The following CDK12 variants were observed in gnomAD, a reference collection of about 807,000 sequenced individuals.
CDK12 encodes the protein cyclin-dependent kinase 12.
In CDK12, 17 loss-of-function variants were observed where a neutral mutation model predicts 133.8. The observed-to-expected ratio is 0.13, with a 90% CI of 0.09 to 0.19. CDK12 has a LOEUF of 0.19. Among genes scored for constraint, CDK12 ranks in the 10% least tolerant of loss-of-function variants. The pLI, the probability that CDK12 is intolerant of heterozygous loss-of-function variation, is 1.00. For missense variants in CDK12, 1,508 were observed against 1,818.7 expected, an observed-to-expected ratio of 0.83 and a Z score of 3.11; for synonymous variants, 694 against 683.6, an observed-to-expected ratio of 1.02 and a Z score of -0.24.
At chr17:39,519,689 A>C (rs1286288430) in intron 10 of CDK12, among the ~76,000 whole-genome samples, 1 of 151,652 alleles carries the variant, frequency 6.6e-6, no homozygotes, top group Non-Finnish European at 1.5e-5. Context: ...TCCTAGGCTC[A>C]AGTGATTTTC....
At chr17:39,514,590 C>T (rs962096952) in intron 8 of CDK12, among the ~76,000 whole-genome samples, 9 of 152,122 alleles carry the variant, frequency 5.9e-5, no homozygotes, top group African/African-American at 2.2e-4. Flanking sequence ...ATCCTCCTGC[C>T]TAGGCCTCCC....
intron 6 of CDK12, among the ~76,000 whole-genome samples, chr17:39,506,562 A>G (rs959238094): frequency 6.6e-6 from 1 of 152,136 alleles, no homozygotes. Context: ...CTCTCTAGGT[A>G]GAGCAGAAAA....
At chr17:39,473,006 GC>G (rs2049914323) in intron 2 of CDK12, among the ~76,000 whole-genome samples, 1 of 151,982 alleles carries the variant, frequency 6.6e-6, no homozygotes, top group Non-Finnish European at 1.5e-5. Context: ...AACCTGGGAG[GC>G]GGAGGTTGCA....
intron 6 of CDK12, among the ~76,000 whole-genome samples, chr17:39,508,459 CAATA>C (rs772903532): frequency 5.3e-5 from 8 of 152,108 alleles, no homozygotes; most frequent in Non-Finnish European, 8.8e-5. Context: ...CCACCCCCTC[CAATA>C]AATAAATAGT....
chr17:39,535,446 TATAAGG>T (rs2055089938), downstream of CDK12, among the ~76,000 whole-genome samples: 1 of 151,250 alleles, frequency 6.6e-6, no homozygotes, highest in African/African-American at 2.4e-5. Flanking sequence ...AGTCACATCT[TATAAGG>T]AGAATGGAGA....
intron 1 of CDK12, among the ~76,000 whole-genome samples, chr17:39,465,859 C>A (rs2049271130): frequency 6.6e-6 from 1 of 152,090 alleles, no homozygotes; most frequent in African/African-American, 2.4e-5. Flanking sequence ...TAGAGTAGTT[C>A]ATTAAGGCTG....
intron 2 of CDK12, among the ~76,000 whole-genome samples, chr17:39,478,552 G>A (rs1000773303): frequency 7.9e-5 from 12 of 152,082 alleles, no homozygotes; most frequent in African/African-American, 2.4e-4. Flanking sequence ...GTAGAAAAAC[G>A]GAAATAGACC....
intron 2 of CDK12, among the ~76,000 whole-genome samples, chr17:39,485,905 T>C (rs983562806): frequency 3.3e-5 from 5 of 152,012 alleles, no homozygotes; most frequent in African/African-American, 2.4e-5. Flanking sequence ...CTGAATTTAT[T>C]TGAAATGATG....
intron 7 of CDK12, among the ~76,000 whole-genome samples, chr17:39,510,215 G>A (rs763307995): frequency 2.0e-5 from 3 of 150,396 alleles, no homozygotes; most frequent in Non-Finnish European, 3.0e-5. Context: ...CGCCTCTTGG[G>A]TTCAAGAAAT....
At chr17:39,466,085 A>G (rs1257709138) in intron 1 of CDK12, among the ~76,000 whole-genome samples, 2 of 151,834 alleles carry the variant, frequency 1.3e-5, no homozygotes, top group East Asian at 3.9e-4. Context: ...AGGCGGGCAG[A>G]TCTCCTGAGG....
chr17:39,558,395 A>T (rs1328980380), intron 3 of CDK12, among the ~76,000 whole-genome samples: 8 of 152,184 alleles, frequency 5.3e-5, no homozygotes, highest in Admixed American at 2.0e-4. Flanking sequence ...CGTTAATTAC[A>T]TTTATCTGCA....
At chr17:39,470,094 T>C (rs1192731460) in intron 1 of CDK12, among the ~76,000 whole-genome samples, 1 of 152,070 alleles carries the variant, frequency 6.6e-6, no homozygotes, top group South Asian at 2.1e-4. Flanking sequence ...TTTATTGTTA[T>C]ATGATTCAGA....
chr17:39,506,062 A>T (rs1222789942), intron 6 of CDK12, among the ~76,000 whole-genome samples: 2 of 152,148 alleles, frequency 1.3e-5, no homozygotes, highest in Non-Finnish European at 2.9e-5. Flanking sequence ...TTAGAGCATT[A>T]AGGAGAATGC....
chr17:39,553,450 G>C (rs1374353648), intron 2 of CDK12, among the ~76,000 whole-genome samples: 1 of 152,126 alleles, frequency 6.6e-6, no homozygotes, highest in African/African-American at 2.4e-5. Context: ...GTCTGCTCCT[G>C]AAACAGCATT....
chr17:39,524,380 C>T (rs866212950), intron 11 of CDK12, among the ~76,000 whole-genome samples: 5 of 152,132 alleles, frequency 3.3e-5, no homozygotes, highest in Non-Finnish European at 5.9e-5. Context: ...TGTTGTTATG[C>T]CAAGGAAAGA....
intron 2 of CDK12, among the ~76,000 whole-genome samples, chr17:39,474,744 A>C (rs1296927461): frequency 6.7e-6 from 1 of 150,354 alleles, no homozygotes; most frequent in Non-Finnish European, 1.5e-5. Context: ...TATTTTAAGG[A>C]ATGGCTCCAT....
In CDK12 at chr17:39,525,947, A is replaced by G. The variant is rs61747430; in HGVS notation, c.3391A>G (p.Ile1131Val). The G allele has an allele frequency of 1.6e-3, 2,610 of 1,614,184 alleles. 37 individuals are homozygous for G. The African/African-American group carries it at 0.031, about 19-fold the overall frequency. Residue 1131 changes from isoleucine (I) to valine (V), a missense_variant, in exon 13 of 14, where the codon ATC becomes GTC. This residue lies in a region of CDK12 where 399 missense variants were observed against 469.6 expected (regional missense o/e 0.85). Coordinates refer to ENST00000447079, the MANE Select transcript of CDK12 (RefSeq NM_016507.4). The part of the protein sequence containing the change: ...NLLQSQTDLS[I>V]PQMAQLLNIH... ...GCTGCAGAGCCAAACCGACCTGAGC[A>G]TCCCTCAAATGGCACAGCTGCTTAA...
intron 5 of CDK12, among the ~76,000 whole-genome samples, chr17:39,498,920 T>C (rs1435363991): frequency 0.35 from 12 of 34 alleles, no homozygotes; most frequent in Non-Finnish European, 0.43. Flanking sequence ...TCTTTCTTTC[T>C]TTCTTTCTTT....
At chr17:39,477,574 A>T (rs1383914023) in intron 2 of CDK12, among the ~76,000 whole-genome samples, 199 of 133,482 alleles carry the variant, frequency 1.5e-3, no homozygotes, top group African/African-American at 4.0e-3. Context: ...TTTATTATTT[A>T]TTTTTTTTTT....
Sources: gnomAD v4.1 joint callset for allele counts (sites outside exome capture counted in the v4.1 genomes callset) on GRCh38, gnomAD v4.1.1 for gene constraint, gnomAD v4.1.1 regional missense constraint, MANE v1.5 for transcripts, NCBI Gene and HGNC (gene_info 2026-07-23, HGNC 2026-07-21) for gene names.